GALNT16: variants seen among roughly 807,000 people sequenced by gnomAD.
GALNT16 encodes the protein polypeptide N-acetylgalactosaminyltransferase 16.
GALNT16 carries 40 observed loss-of-function variants against 76.1 expected under a neutral mutation model. The ratio of observed to expected loss-of-function variants is 0.53; its 90% confidence interval spans 0.41 to 0.68. GALNT16 has a LOEUF of 0.68. GALNT16 is among the 30% of genes least tolerant of loss of function. The probability of loss-of-function intolerance (pLI) is 0.00; values close to 1 mark genes in which losing one functional copy is unlikely to be tolerated. For missense variants in GALNT16, 621 were observed against 731.9 expected (o/e 0.85, Z 1.75); for synonymous variants, 276 against 285.2 (o/e 0.97, Z 0.32).
At chr14:69,370,442 A>G in the GALNT16 span, among the ~76,000 whole-genome samples, 17 of 152,234 alleles carry the variant, frequency 1.1e-4, no homozygotes, top group Admixed American at 1.1e-3. Flanking sequence ...ATGGAGGAGT[A>G]AGGATCATGG....
At chr14:69,295,697 G>A (rs534541710) in intron 1 of GALNT16, among the ~76,000 whole-genome samples, 8 of 152,280 alleles carry the variant, frequency 5.3e-5, no homozygotes, top group African/African-American at 1.9e-4. Context: ...TCCAGCCTGG[G>A]CGACAGAGCG....
intron 9 of GALNT16, among the ~76,000 whole-genome samples, chr14:69,336,464 CT>C: frequency 6.6e-6 from 1 of 152,332 alleles, no homozygotes; most frequent in Admixed American, 6.5e-5. Context: ...GGGACCTGCC[CT>C]TGCCGGCTCC....
chr14:69,323,954 C>T (rs931797171), intron 2 of GALNT16, among the ~76,000 whole-genome samples: 4 of 152,168 alleles, frequency 2.6e-5, no homozygotes, highest in Admixed American at 1.3e-4. Context: ...TAAATGCATA[C>T]GCAGAAACAA....
At position 69,352,058 on chromosome 14, in the gene GALNT16, C is replaced by T; in HGVS notation, c.1567C>T (p.Gln523Ter). Residue 523 changes from glutamine (Q) to a stop codon, truncating the protein, a stop_gained, in exon 15 of 15, where the codon CAG (glutamine) becomes TAG (stop). Coordinates refer to ENST00000448469, the MANE Select transcript of GALNT16 (RefSeq NM_001168368.2). LOFTEE classifies it high-confidence loss of function. ...ATGGAGGAGAAAAGGATCTTTCATC[C>T]AGCATTCAGTCAGTGGCCTCTGCCT... ...QKWRRKGSFI[Q>*]HSVSGLCLET... 1 of 1,613,646 alleles carries T rather than the reference C, an allele frequency of 6.2e-7. No individual in the cohort carries two copies. Among genetic ancestry groups the T allele is most frequent in the Non-Finnish European group, 8.5e-7 (1 of 1,179,640 alleles).
chr14:69,339,420 C>T (rs1032338635), intron 10 of GALNT16, 107 bp from the exon 11 acceptor site: 10 of 766,540 alleles, frequency 1.3e-5, no homozygotes, highest in Non-Finnish European at 2.4e-5. Context: ...TCACCTTGCT[C>T]CTGAGATTCT....
chr14:69,303,996 G>A (rs907704711), intron 1 of GALNT16, among the ~76,000 whole-genome samples: 12 of 151,966 alleles, frequency 7.9e-5, no homozygotes, highest in African/African-American at 1.9e-4. Flanking sequence ...TGATTTCTGC[G>A]TCATTTTTAT....
At chr14:69,289,550 G>C (rs1214076119) in intron 1 of GALNT16, among the ~76,000 whole-genome samples, 2 of 152,078 alleles carry the variant, frequency 1.3e-5, no homozygotes, top group Admixed American at 1.3e-4. Flanking sequence ...GGAAGAAGTG[G>C]GCAGTCTCCA....
the GALNT16 span, among the ~76,000 whole-genome samples, chr14:69,383,942 G>A: frequency 1.3e-5 from 2 of 152,148 alleles, no homozygotes; most frequent in African/African-American, 4.8e-5. Flanking sequence ...GAGCCCAGGA[G>A]TTTGAGACCA....
intron 6 of GALNT16, among the ~76,000 whole-genome samples, chr14:69,329,776 G>C (rs1238250848): frequency 6.6e-6 from 1 of 152,028 alleles, no homozygotes; most frequent in African/African-American, 2.4e-5. Context: ...AGAGAGAGTT[G>C]GGTGGAGGTA....
intron 1 of GALNT16, among the ~76,000 whole-genome samples, chr14:69,296,162 T>C (rs552940053): frequency 5.9e-5 from 9 of 151,908 alleles, no homozygotes. Context: ...ATGGCCAGTG[T>C]AGGAGGAAGA....
At chr14:69,327,977 C>G (rs191469658) in intron 5 of GALNT16, among the ~76,000 whole-genome samples, 1 of 152,136 alleles carries the variant, frequency 6.6e-6, no homozygotes, top group Admixed American at 6.5e-5. Context: ...AGGCTCAGAG[C>G]GGTTAAATAA....
intron 2 of GALNT16, among the ~76,000 whole-genome samples, chr14:69,321,314 T>C (rs1296728692): frequency 6.6e-6 from 1 of 152,190 alleles, no homozygotes; most frequent in African/African-American, 2.4e-5. Context: ...CCAGAAATGC[T>C]TCCTAGTCTT....
At chr14:69,284,823 G>C (rs1289055259) in intron 1 of GALNT16, among the ~76,000 whole-genome samples, 1 of 152,046 alleles carries the variant, frequency 6.6e-6, no homozygotes, top group African/African-American at 2.4e-5. Context: ...TCCCCATGCT[G>C]TTCTCTTGAT....
intron 1 of GALNT16, among the ~76,000 whole-genome samples, chr14:69,315,731 A>G (rs968758561): frequency 1.3e-5 from 2 of 152,100 alleles, no homozygotes; most frequent in African/African-American, 2.4e-5. Flanking sequence ...ATGATTTTCT[A>G]TTTATTGGAA....
In GALNT16 at chr14:69,294,683, A is replaced by G. The variant is rs114487559; in HGVS notation, c.178-26028A>G. Among the ~76,000 whole-genome samples the G allele has an allele frequency of 7.5e-3, 1,142 of 152,256 alleles. 14 individuals carry two copies. The highest frequency in any genetic ancestry group is 0.026 in the African/African-American group (1,095 of 41,542). On this transcript the variant is annotated intron_variant, in intron 1 of 14. Coordinates refer to ENST00000448469, the MANE Select transcript of GALNT16 (RefSeq NM_001168368.2). ...ATTTGCTTTTTAGGGGAGACATTTT[A>G]TATCAATGGAACCTACAATATGCAG... is the stretch of plus-strand genomic sequence containing the variant.
At chr14:69,303,782 A>G (rs1267044614) in intron 1 of GALNT16, among the ~76,000 whole-genome samples, 1 of 152,186 alleles carries the variant, frequency 6.6e-6, no homozygotes, top group Non-Finnish European at 1.5e-5. Flanking sequence ...TTATTGTGCA[A>G]GCATTTTTCT....
At chr14:69,311,451 G>C (rs1334087476) in intron 1 of GALNT16, among the ~76,000 whole-genome samples, 1 of 152,094 alleles carries the variant, frequency 6.6e-6, no homozygotes, top group African/African-American at 2.4e-5. Flanking sequence ...GGACATATTC[G>C]AACCACAGCA....
At chr14:69,296,728 T>TGATAGGTCGATA (rs2044766320) in intron 1 of GALNT16, among the ~76,000 whole-genome samples, 1 of 141,956 alleles carries the variant, frequency 7.0e-6, no homozygotes, top group African/African-American at 2.6e-5. Context: ...GACAGATAGA[T>TGATAGGTCGATA]GATAGATAGA....
At chr14:69,326,094 C>G in intron 5 of GALNT16, 67 bp downstream of exon 5, 1 of 1,199,312 alleles carries the variant, frequency 8.3e-7, no homozygotes, top group South Asian at 1.2e-5. Context: ...CTTCCCCACT[C>G]TCTCTTGGTG....
Sources: allele counts gnomAD v4.1 joint callset (sites outside exome capture counted in the v4.1 genomes callset), GRCh38; gene constraint gnomAD v4.1.1; transcripts MANE v1.5; gene names NCBI Gene and HGNC (gene_info 2026-07-23, HGNC 2026-07-21).